The following ADARB2 variants were observed in gnomAD, a reference collection of about 807,000 sequenced individuals.
ADARB2 encodes inactive double-stranded RNA-specific editase B2.
ADARB2 carries 25 observed loss-of-function variants against 62.2 expected under a neutral mutation model. The observed-to-expected ratio is 0.40, with a 90% CI of 0.29 to 0.56. ADARB2 has a LOEUF of 0.56. ADARB2 is among the 20% of genes least tolerant of loss of function. The probability of loss-of-function intolerance (pLI) is 0.43; values close to 1 mark genes in which losing one functional copy is unlikely to be tolerated. For missense variants in ADARB2, 1,071 were observed against 1,077.4 expected (o/e 0.99, Z 0.08); for synonymous variants, 572 against 500.8 (o/e 1.14, Z -1.90).
chr10:1,257,837 C>T (rs1003691079), intron 4 of ADARB2, among the ~76,000 whole-genome samples: 3 of 152,162 alleles, frequency 2.0e-5, no homozygotes, highest in Non-Finnish European at 4.4e-5. Context: ...CAGATGGACA[C>T]ATCTTGAAAA....
At chr10:1,462,244 C>T (rs548111046) in intron 1 of ADARB2, among the ~76,000 whole-genome samples, 7 of 152,288 alleles carry the variant, frequency 4.6e-5, no homozygotes, top group African/African-American at 1.7e-4. Context: ...GCCAGCTCCA[C>T]TGTTGAAGCC....
At position 1,270,993 on chromosome 10, in the gene ADARB2, G is replaced by A; in HGVS notation, c.1154C>T (p.Ala385Val). The A allele has an allele frequency of 6.2e-7, 1 of 1,613,474 alleles. No homozygotes were observed. The part of the protein sequence containing the change: ...EVTTDLTPMH[A>V]RHKALAGIVM... Reference sequence around the variant, plus strand: ...GATTCCTGCCAGCGCTTTATGGCGGGCGTGCATGGGCGTGAGGTCCGTCGT... The same window carrying A: ...GATTCCTGCCAGCGCTTTATGGCGGACGTGCATGGGCGTGAGGTCCGTCGT... Residue 385 changes from alanine (A) to valine (V), a missense_variant, in exon 4 of 10, where the codon GCC becomes GTC. Physicochemically the swap from Ala to Val is moderately conservative, Grantham distance 64. Coordinates refer to ENST00000381312, the MANE Select transcript of ADARB2 (RefSeq NM_018702.4).
chr10:1,262,371 T>G (rs535536771), intron 4 of ADARB2, among the ~76,000 whole-genome samples: 1 of 150,728 alleles, frequency 6.6e-6, no homozygotes, highest in African/African-American at 2.4e-5. Context: ...GGGAGAAAAT[T>G]TTTGCAACCC....
intron 1 of ADARB2, among the ~76,000 whole-genome samples, chr10:1,458,340 G>A (rs954388801): frequency 6.7e-6 from 1 of 150,258 alleles, no homozygotes; most frequent in African/African-American, 2.4e-5. Context: ...AAGAAGGAAA[G>A]GTCCCACTTG....
chr10:1,591,793 G>A (rs1833259746), intron 1 of ADARB2, among the ~76,000 whole-genome samples: 1 of 152,176 alleles, frequency 6.6e-6, no homozygotes, highest in Non-Finnish European at 1.5e-5. Flanking sequence ...AACTCCTTAG[G>A]GCAGGGACTT....
At chr10:1,186,170 G>C (rs1168823303) in intron 8 of ADARB2, among the ~76,000 whole-genome samples, 1 of 152,242 alleles carries the variant, frequency 6.6e-6, no homozygotes, top group African/African-American at 2.4e-5. Context: ...GGTGGGGAAG[G>C]CATCAGAGGA....
chr10:1,179,418 C>A lies in ADARB2; in HGVS notation c.*3775G>T, dbSNP rs1429334087. The A allele has an allele frequency of 6.6e-6, 1 of 152,220 alleles. No individual in the cohort carries two copies. The highest frequency in any genetic ancestry group is 1.5e-5 in the Non-Finnish European group (1 of 68,044). 9.4% of individuals were successfully genotyped at this position (152,220 alleles called of 1,614,324 possible). A position where few individuals can be genotyped will look rare whatever the true frequency, so the allele number is the denominator to read the frequency against. ...ATGGAAAGGAAACAATAGCTATCGA[C>A]CTGCACATCCTTTCCTCAGCAAAAA... On this transcript the variant is annotated 3_prime_UTR_variant, in exon 10 of 10. Transcript: ENST00000381312.
intron 1 of ADARB2, among the ~76,000 whole-genome samples, chr10:1,584,011 T>C (rs969728836): frequency 6.6e-6 from 1 of 152,064 alleles, no homozygotes; most frequent in Non-Finnish European, 1.5e-5. Flanking sequence ...CAGACCTAAA[T>C]GTAAAATGCA....
At chr10:1,487,884 C>T (rs535136505) in intron 1 of ADARB2, among the ~76,000 whole-genome samples, 1 of 151,358 alleles carries the variant, frequency 6.6e-6, no homozygotes, top group South Asian at 2.1e-4. Flanking sequence ...TGGCATGATT[C>T]CACAGAGGAG....
intron 1 of ADARB2, among the ~76,000 whole-genome samples, chr10:1,388,869 T>C (rs541579152): frequency 1.3e-5 from 2 of 152,128 alleles, no homozygotes; most frequent in Non-Finnish European, 2.9e-5. Flanking sequence ...GAAGTTTATA[T>C]GGAAATGCAA....
chr10:1,549,112 G>T (rs930896734), intron 1 of ADARB2, among the ~76,000 whole-genome samples: 1 of 151,102 alleles, frequency 6.6e-6, no homozygotes, highest in Non-Finnish European at 1.5e-5. Context: ...AGAGGCTGGC[G>T]TCCGGTACAC....
chr10:1,577,649 G>T (rs974441994), intron 1 of ADARB2, among the ~76,000 whole-genome samples: 1 of 152,128 alleles, frequency 6.6e-6, no homozygotes, highest in Admixed American at 6.5e-5. Context: ...GGGGACGGTG[G>T]GAAAGGACGG....
At chr10:1,730,740 G>A (rs1475022296) in intron 1 of ADARB2, among the ~76,000 whole-genome samples, 1 of 151,912 alleles carries the variant, frequency 6.6e-6, no homozygotes, top group Non-Finnish European at 1.5e-5. Context: ...ATATAAATAT[G>A]GAATTTAGAT....
intron 1 of ADARB2, among the ~76,000 whole-genome samples, chr10:1,709,614 C>T (rs1834928168): frequency 6.6e-6 from 1 of 152,128 alleles, no homozygotes; most frequent in Non-Finnish European, 1.5e-5. Flanking sequence ...AAGAGTGACC[C>T]TAAGCACAGG....
chr10:1,510,126 T>C (rs868152491), intron 1 of ADARB2, among the ~76,000 whole-genome samples: 13 of 128,506 alleles, frequency 1.0e-4, no homozygotes, highest in African/African-American at 1.3e-4. Flanking sequence ...CTTTCTTTCT[T>C]TCTTTCTTTC....
At chr10:1,427,033 AT>A (rs1047461823) in intron 1 of ADARB2, among the ~76,000 whole-genome samples, 3 of 152,254 alleles carry the variant, frequency 2.0e-5, no homozygotes, top group East Asian at 1.9e-4. Context: ...CAGGGGCCTG[AT>A]TTTTTAACTT....
intron 1 of ADARB2, among the ~76,000 whole-genome samples, chr10:1,581,427 C>G (rs577645283): frequency 1.3e-5 from 2 of 152,344 alleles, no homozygotes; most frequent in Admixed American, 6.5e-5. Context: ...CCTCTTCACT[C>G]CCAGAGCAGG....
intron 1 of ADARB2, among the ~76,000 whole-genome samples, chr10:1,455,893 C>T (rs1275674361): frequency 1.3e-5 from 2 of 152,246 alleles, no homozygotes; most frequent in African/African-American, 2.4e-5. Context: ...AGCAAAATAA[C>T]AAATAATATT....
chr10:1,324,665 T>C (rs1454142924), intron 3 of ADARB2, among the ~76,000 whole-genome samples: 1 of 152,192 alleles, frequency 6.6e-6, no homozygotes, highest in East Asian at 1.9e-4. Flanking sequence ...ATTTATATAA[T>C]ATTTATGAAA....
Sources: allele counts gnomAD v4.1 joint callset (sites outside exome capture counted in the v4.1 genomes callset), GRCh38; gene constraint gnomAD v4.1.1; transcripts MANE v1.5; gene names NCBI Gene and HGNC (gene_info 2026-07-23, HGNC 2026-07-21).